LHCGR: variants seen among roughly 807,000 people sequenced by gnomAD.
LHCGR encodes the protein lutropin-choriogonadotropic hormone receptor.
In LHCGR, 55 loss-of-function variants were observed where a neutral mutation model predicts 60.7. The observed-to-expected ratio is 0.91, with a 90% CI of 0.73 to 1.13. The LOEUF (loss-of-function observed/expected upper bound fraction) is 1.13. Among genes scored for constraint, LHCGR ranks in the 50% most tolerant of loss-of-function variants. LHCGR has a pLI of 0.00. For synonymous variants in LHCGR, 337 were observed against 316.5 expected, an observed-to-expected ratio of 1.06 and a Z score of -0.69; for missense variants, 862 against 836.0, an observed-to-expected ratio of 1.03 and a Z score of -0.38.
At chr2:48,748,928 T>C (rs1669827838) in intron 1 of LHCGR, among the ~76,000 whole-genome samples, 1 of 152,108 alleles carries the variant, frequency 6.6e-6, no homozygotes, top group Admixed American at 6.5e-5. Context: ...GTTTGAATAA[T>C]TTGGGGACTG....
At chr2:48,692,730 T>TG (rs1188679458) in intron 10 of LHCGR, among the ~76,000 whole-genome samples, 1 of 152,144 alleles carries the variant, frequency 6.6e-6, no homozygotes, top group Non-Finnish European at 1.5e-5. Flanking sequence ...CACATTATCT[T>TG]GGGGAGAATA....
At chr2:48,723,374 C>T (rs1668583610) in intron 6 of LHCGR, 82 bp downstream of exon 6, 1 of 954,810 alleles carries the variant, frequency 1.0e-6, no homozygotes, top group Non-Finnish European at 1.7e-6. Flanking sequence ...TGTGGTAAAA[C>T]ATGAGAAAAA....
chr2:48,735,167 T>A, intron 1 of LHCGR, among the ~76,000 whole-genome samples: 1 of 152,188 alleles, frequency 6.6e-6, no homozygotes, highest in East Asian at 1.9e-4. Flanking sequence ...TTCCATCTAC[T>A]CATTAATCTC....
chr2:48,703,006 A>T (rs1228348891), intron 8 of LHCGR, among the ~76,000 whole-genome samples: 1 of 152,096 alleles, frequency 6.6e-6, no homozygotes, highest in Non-Finnish European at 1.5e-5. Flanking sequence ...TTTGATTTGC[A>T]TTTCTCTCAT....
At chr2:48,740,445 T>G (rs1669395112) in intron 1 of LHCGR, among the ~76,000 whole-genome samples, 1 of 152,216 alleles carries the variant, frequency 6.6e-6, no homozygotes, top group East Asian at 1.9e-4. Context: ...TGTCCCTGTC[T>G]GACAGCTTTG....
At chr2:48,729,128 A>G in intron 3 of LHCGR, 25 bp downstream of exon 3, 1 of 1,546,628 alleles carries the variant, frequency 6.5e-7, no homozygotes, top group African/African-American at 1.4e-5. Context: ...GTACAGCAGT[A>G]AACTGTCTGT....
chr2:48,728,990 C>T (rs1426104845), intron 3 of LHCGR, among the ~76,000 whole-genome samples, 163 bp downstream of exon 3: 1 of 152,182 alleles, frequency 6.6e-6, no homozygotes, highest in East Asian at 1.9e-4. Flanking sequence ...AACCTACAGG[C>T]CACTGCAGTG....
chr2:48,749,028 A>G (rs1027708370), intron 1 of LHCGR, among the ~76,000 whole-genome samples: 1 of 152,222 alleles, frequency 6.6e-6, no homozygotes, highest in East Asian at 1.9e-4. Flanking sequence ...GCAATTAGGA[A>G]CCCAGGAGTA....
At chr2:48,748,703 C>G (rs1458659399) in intron 1 of LHCGR, among the ~76,000 whole-genome samples, 9 of 152,246 alleles carry the variant, frequency 5.9e-5, no homozygotes, top group African/African-American at 2.2e-4. Flanking sequence ...TACAATAATA[C>G]CTTGTAGCTA....
At chr2:48,747,653 A>C (rs1180626414) in intron 1 of LHCGR, among the ~76,000 whole-genome samples, 5 of 151,026 alleles carry the variant, frequency 3.3e-5, no homozygotes, top group Non-Finnish European at 7.4e-5. Context: ...TCGTTTTTGG[A>C]ACCGACTCCT....
intron 1 of LHCGR, among the ~76,000 whole-genome samples, chr2:48,732,116 A>T (rs1184402264): frequency 6.6e-6 from 1 of 152,202 alleles, no homozygotes; most frequent in African/African-American, 2.4e-5. Context: ...CCAGTATAGG[A>T]TGATGTGTGA....
Position 48,688,432 on chromosome 2 carries a change from G to T in LHCGR, c.1365C>A (p.Tyr455Ter). ...TTTCTAGAGTGATGACGGTGAGGGT[G>T]TAGACAGAAAGTTCACTTGCGAATA... ...FTVFASELSVYTLTVITLERW... is the reference protein window; with the variant it reads ...FTVFASELSV The change falls in exon 11 of 11, where the codon TAC (tyrosine) becomes TAA (stop). Residue 455 changes from tyrosine to a stop codon, truncating the protein, a stop_gained. Coordinates refer to ENST00000294954, the MANE Select transcript of LHCGR (RefSeq NM_000233.4). LOFTEE classifies it high-confidence loss of function. This position sits in a 1 kb window ranked among gnomAD's most constrained non-coding sequence, Gnocchi z 5.2. 6.2e-7 allele frequency: 1 copy of T among 1,614,186 alleles called. No homozygotes were observed. Among genetic ancestry groups the T allele is most frequent in the Non-Finnish European group, 8.5e-7 (1 of 1,180,034 alleles).
At chr2:48,749,514 A>T (rs1193332408) in intron 1 of LHCGR, among the ~76,000 whole-genome samples, 1 of 152,158 alleles carries the variant, frequency 6.6e-6, no homozygotes, top group Non-Finnish European at 1.5e-5. Context: ...ACTGGCTTTA[A>T]AACCTCAAGT....
At chr2:48,700,252 A>G (rs1436892799) in intron 8 of LHCGR, among the ~76,000 whole-genome samples, 1 of 152,198 alleles carries the variant, frequency 6.6e-6, no homozygotes, top group East Asian at 1.9e-4. Context: ...TACATTTAAA[A>G]TTAGGTTCTT....
At chr2:48,754,016 A>G (rs1467229793) in intron 1 of LHCGR, among the ~76,000 whole-genome samples, 3 of 152,158 alleles carry the variant, frequency 2.0e-5, no homozygotes, top group Admixed American at 6.5e-5. Flanking sequence ...TGTTAGTAGT[A>G]CAGTCATTCT....
At chr2:48,691,325 GT>G (rs1405912333) in intron 10 of LHCGR, among the ~76,000 whole-genome samples, 1 of 152,176 alleles carries the variant, frequency 6.6e-6, no homozygotes. Flanking sequence ...AAGAAAATAT[GT>G]TAGAGTATTG....
At chr2:48,700,270 G>A (rs1395856284) in intron 8 of LHCGR, among the ~76,000 whole-genome samples, 1 of 152,176 alleles carries the variant, frequency 6.6e-6, no homozygotes, top group Non-Finnish European at 1.5e-5. Flanking sequence ...CTTAGAAACA[G>A]TAAGGCCTCG....
chr2:48,723,015 G>A lies in LHCGR; in HGVS notation c.536+441C>T, dbSNP rs533271794. Among the ~76,000 whole-genome samples the A allele has an allele frequency of 1.7e-4, 26 of 152,300 alleles. 1 individual carries two copies. In the South Asian group the frequency reaches 4.1e-3, roughly 24 times the overall value. On this transcript the variant is annotated intron_variant, in intron 6 of 10. Coordinates refer to ENST00000294954, the MANE Select transcript of LHCGR (RefSeq NM_000233.4). ...AGTGAGAGGGACCCAAGAGGAAGGCGAAAATGAGAGAGACAGAGCAAGGTC... is the reference window on the plus strand; with the variant it reads ...AGTGAGAGGGACCCAAGAGGAAGGCAAAAATGAGAGAGACAGAGCAAGGTC...
At chr2:48,722,468 GT>G (rs1668541854) in intron 6 of LHCGR, among the ~76,000 whole-genome samples, 1 of 152,192 alleles carries the variant, frequency 6.6e-6, no homozygotes, top group Non-Finnish European at 1.5e-5. Context: ...GTGGGGCCTG[GT>G]GGGAGGTGAC....
Sources: gnomAD v4.1 joint callset for allele counts (sites outside exome capture counted in the v4.1 genomes callset) on GRCh38, gnomAD v4.1.1 for gene constraint, Gnocchi (gnomAD v3.1) non-coding constraint, MANE v1.5 for transcripts, NCBI Gene and HGNC (gene_info 2026-07-23, HGNC 2026-07-21) for gene names.